The following ZFYVE16 variants were observed in gnomAD, a reference collection of about 807,000 sequenced individuals.
ZFYVE16 encodes zinc finger FYVE-type containing 16, also known as zinc finger FYVE domain-containing protein 16.
A neutral mutation model predicts 138.1 loss-of-function variants in ZFYVE16; 89 were observed. That is an observed-to-expected ratio of 0.64 (90% confidence interval 0.54 to 0.77). ZFYVE16 has a LOEUF of 0.77. Ranked by LOEUF, ZFYVE16 falls within the 30% of genes least tolerant of loss-of-function variation. ZFYVE16 has a pLI of 0.00. For synonymous variants in ZFYVE16, 596 were observed against 618.3 expected (o/e 0.96, Z 0.53); for missense variants, 1,793 against 1,786.7 (o/e 1.00, Z -0.06).
intron 1 of ZFYVE16, among the ~76,000 whole-genome samples, chr5:80,424,353 T>G (rs1747686087): frequency 6.6e-6 from 1 of 152,190 alleles, no homozygotes; most frequent in Non-Finnish European, 1.5e-5. Flanking sequence ...TAGTTCTTAT[T>G]TATGGCTTCC....
At chr5:80,423,773 T>G (rs895980506) in intron 1 of ZFYVE16, among the ~76,000 whole-genome samples, 1 of 151,242 alleles carries the variant, frequency 6.6e-6, no homozygotes, top group East Asian at 2.0e-4. Context: ...CTCCTGACCT[T>G]GTGATCCGCC....
rs183346119 is a variant in ZFYVE16, at chr5:80,469,296, A to G, written c.4025-3465A>G. 1.9e-4 allele frequency among the ~76,000 whole-genome samples: 29 copies of G among 151,972 alleles called. No individual in the cohort carries two copies. The East Asian group carries it at 5.4e-3, about 28-fold the overall frequency. ...TTTTTGTTGTTTTCTTGTAGAGACA[A>G]GGTCTCACTATGTTGCCCAGGCTGG... On this transcript the variant is annotated intron_variant, in intron 15 of 18. Coordinates refer to ENST00000505560, the MANE Select transcript of ZFYVE16 (RefSeq NM_001284236.3).
chr5:80,436,115 T>C, intron 3 of ZFYVE16, among the ~76,000 whole-genome samples: 1 of 152,186 alleles, frequency 6.6e-6, no homozygotes, highest in East Asian at 1.9e-4. Flanking sequence ...CATCAACAGC[T>C]CCAGATTCAC....
intron 1 of ZFYVE16, among the ~76,000 whole-genome samples, chr5:80,419,315 C>T (rs985225222): frequency 4.6e-5 from 7 of 152,074 alleles, no homozygotes; most frequent in African/African-American, 1.7e-4. Context: ...TGGGCTCCAG[C>T]ATTCTGCCTG....
At chr5:80,420,493 T>C (rs1385265870) in intron 1 of ZFYVE16, among the ~76,000 whole-genome samples, 1 of 152,128 alleles carries the variant, frequency 6.6e-6, no homozygotes, top group African/African-American at 2.4e-5. Context: ...CCCCTTCCTG[T>C]GTCCAAGTGT....
intron 15 of ZFYVE16, among the ~76,000 whole-genome samples, chr5:80,470,789 T>C (rs557090645): frequency 6.6e-6 from 1 of 152,112 alleles, no homozygotes; most frequent in East Asian, 1.9e-4. Context: ...GGGATTACAG[T>C]TGTGAGCCAC....
chr5:80,457,114 G>A, intron 14 of ZFYVE16, 22 bp downstream of exon 14: 3 of 1,603,422 alleles, frequency 1.9e-6, no homozygotes, highest in Non-Finnish European at 2.5e-6. Flanking sequence ...GGTTCCTAGT[G>A]CTAATTTACA....
intron 15 of ZFYVE16, among the ~76,000 whole-genome samples, chr5:80,472,511 G>A (rs956627767): frequency 3.3e-5 from 5 of 151,792 alleles, no homozygotes; most frequent in African/African-American, 1.2e-4. Flanking sequence ...TGTCATGACA[G>A]GGCTATCTGG....
intron 2 of ZFYVE16, among the ~76,000 whole-genome samples, chr5:80,430,352 C>T (rs187433883): frequency 0.031 from 4,632 of 151,176 alleles, 261 homozygotes; most frequent in African/African-American, 0.11. Flanking sequence ...GGGTACGTAA[C>T]GAAATGAAGG....
At chr5:80,472,129 G>C (rs968693366) in intron 15 of ZFYVE16, among the ~76,000 whole-genome samples, 1 of 152,022 alleles carries the variant, frequency 6.6e-6, no homozygotes. Context: ...TGTGTCCCCA[G>C]TTCTAGTCCA....
Position 80,443,022 on chromosome 5 carries a change from TTCTC to T in ZFYVE16, c.2420-100_2420-97del, listed in dbSNP as rs1314281517. On this transcript the variant is annotated intron_variant, in intron 5 of 18. Transcript: ENST00000505560. ...TTTTCTTGATTAGCCATTTCTTTCTTTCTCCTTACAACTTGAAAAATAGAATATT... is the reference window on the plus strand; with the variant it reads ...TTTTCTTGATTAGCCATTTCTTTCTTCTTACAACTTGAAAAATAGAATATT... The T allele has an allele frequency of 3.4e-5, 41 of 1,190,496 alleles. No individual in the cohort carries two copies. In the Admixed American group the frequency reaches 1.1e-3, roughly 33 times the overall value. The allele number at this position is 1,190,496 out of a possible 1,614,324, so 73.7% of individuals were successfully genotyped here. A position where few individuals can be genotyped will look rare whatever the true frequency, so the allele number is the denominator to read the frequency against.
chr5:80,442,819 A>AG (rs1312051346), intron 5 of ZFYVE16, among the ~76,000 whole-genome samples: 3 of 152,210 alleles, frequency 2.0e-5, no homozygotes, highest in Non-Finnish European at 4.4e-5. Flanking sequence ...AATAGACTCT[A>AG]GGGGTACAAG....
intron 5 of ZFYVE16, among the ~76,000 whole-genome samples, chr5:80,442,889 C>T (rs893082109): frequency 6.6e-6 from 1 of 152,140 alleles, no homozygotes; most frequent in African/African-American, 2.4e-5. Context: ...AAACATACAC[C>T]AGATATAATA....
At chr5:80,465,107 C>T (rs1192962702) in intron 15 of ZFYVE16, among the ~76,000 whole-genome samples, 2 of 151,838 alleles carry the variant, frequency 1.3e-5, no homozygotes, top group Non-Finnish European at 2.9e-5. Flanking sequence ...TATATATTAA[C>T]CTATGTAGTT....
rs567101895 is a variant in ZFYVE16 at position 80,480,021 on chromosome 5, A to G, written c.*2644A>G. Among the ~76,000 whole-genome samples, 1 of 152,314 alleles carries G rather than the reference A, an allele frequency of 6.6e-6. No individual in the cohort carries two copies. Among genetic ancestry groups the G allele is most frequent in the Non-Finnish European group, 1.5e-5 (1 of 68,028 alleles). On this transcript the variant is annotated 3_prime_UTR_variant, in exon 19 of 19. Coordinates refer to ENST00000505560, the MANE Select transcript of ZFYVE16 (RefSeq NM_001284236.3). Reference sequence around the variant, plus strand: ...GCCTCCAGGTGACAGAGAAAATAAAATGTAAATACTTTTCATGGAAAAGTA... The same window carrying G: ...GCCTCCAGGTGACAGAGAAAATAAAGTGTAAATACTTTTCATGGAAAAGTA...
In ZFYVE16 at chr5:80,426,272, G is replaced by GTATA. The variant is rs200176812; in HGVS notation, c.-93-1201_-93-1198dup. On this transcript the variant is annotated intron_variant, in intron 1 of 18. Transcript: ENST00000505560. ...TGTGTGTGTGTGTGTGTGTGTGTGT[G>GTATA]TATATATATATATATATATATAATT... is the stretch of plus-strand genomic sequence containing the variant. Among the ~76,000 whole-genome samples the GTATA allele has an allele frequency of 6.0e-3, 158 of 26,440 alleles. 2 individuals are homozygous for GTATA. Among genetic ancestry groups the GTATA allele is most frequent in the African/African-American group, 8.5e-3 (144 of 16,968 alleles). The allele number at this position is 26,440 out of a possible 152,430, so 17.3% of individuals were successfully genotyped here.
chr5:80,438,250 C>G lies in ZFYVE16; in HGVS notation c.1565C>G (p.Ala522Gly). 6.2e-7 allele frequency: 1 copy of G among 1,613,944 alleles called. No homozygotes were observed. The highest frequency in any genetic ancestry group is 8.5e-7 in the Non-Finnish European group (1 of 1,179,934). ...DLDYFNIDEG[A>G]KSGPLISDAE... ...GATTACTTTAATATTGATGAAGGCG[C>G]AAAAAGTGGCCCACTAATTAGTGAT... Residue 522 changes from alanine to glycine, a missense_variant, in exon 4 of 19, where the codon GCA becomes GGA. By Grantham distance (60) the Ala-to-Gly change is moderately conservative (BLOSUM62 0). Transcript: ENST00000505560.
Position 80,438,389 on chromosome 5 carries a change from C to T in ZFYVE16, c.1704C>T (p.Gly568=). The T allele has an allele frequency of 6.2e-7, 1 of 1,613,720 alleles. No homozygotes were observed. The highest frequency in any genetic ancestry group is 8.5e-7 in the Non-Finnish European group (1 of 1,179,874). Residue 568 remains glycine, a synonymous_variant, in exon 4 of 19, where the codon GGC becomes GGT. Coordinates refer to ENST00000505560, the MANE Select transcript of ZFYVE16 (RefSeq NM_001284236.3). ...KSQMNQIDMK[G]LDDGNINNIY... Reference sequence around the variant, plus strand: ...AAATGAATCAGATAGATATGAAAGGCTTAGATGATGGAAACATCAATAATA... The same window carrying T: ...AAATGAATCAGATAGATATGAAAGGTTTAGATGATGGAAACATCAATAATA...
chr5:80,428,925 G>A (rs940306922), intron 2 of ZFYVE16, among the ~76,000 whole-genome samples: 21 of 152,204 alleles, frequency 1.4e-4, no homozygotes, highest in African/African-American at 4.1e-4. Flanking sequence ...AAAAAGAAAC[G>A]AACAAAGCCT....
Sources: allele counts gnomAD v4.1 joint callset (sites outside exome capture counted in the v4.1 genomes callset), GRCh38; gene constraint gnomAD v4.1.1; transcripts MANE v1.5; gene names NCBI Gene and HGNC (gene_info 2026-07-23, HGNC 2026-07-21).